PARP6: variants seen among roughly 807,000 people sequenced by gnomAD.
PARP6 encodes poly(ADP-ribose) polymerase family member 6.
PARP6 carries 27 observed loss-of-function variants against 92.0 expected under a neutral mutation model. The observed-to-expected ratio is 0.29, with a 90% CI of 0.22 to 0.40. PARP6 has a LOEUF of 0.40. Among genes scored for constraint, PARP6 ranks in the 10% least tolerant of loss-of-function variants. The pLI is 1.00. For synonymous variants in PARP6, 272 were observed against 281.2 expected, an observed-to-expected ratio of 0.97 and a Z score of 0.33; for missense variants, 501 against 784.5, an observed-to-expected ratio of 0.64 and a Z score of 4.32.
At chr15:72,250,771 A>T in intron 18 of PARP6, 74 bp downstream of exon 18, 1 of 785,250 alleles carries the variant, frequency 1.3e-6, no homozygotes, top group South Asian at 1.6e-5. Flanking sequence ...ACACAAACTC[A>T]TATCTCAAGG....
intron 17 of PARP6, 54 bp from the exon 18 acceptor site, chr15:72,251,008 G>T (rs2084274708): frequency 1.5e-6 from 2 of 1,341,088 alleles, no homozygotes; most frequent in Non-Finnish European, 2.1e-6. Flanking sequence ...ATCGAGATCA[G>T]GGAGGGAAGG....
intron 20 of PARP6, among the ~76,000 whole-genome samples, chr15:72,247,847 A>G (rs552617514): frequency 1.5e-4 from 23 of 151,498 alleles, no homozygotes; most frequent in African/African-American, 5.6e-4. Flanking sequence ...CACTGGTTTG[A>G]TCTTGGCTGA....
At position 72,262,239 on chromosome 15, in the gene PARP6, G is replaced by A. The variant is rs371907316; in HGVS notation, c.396-532C>T. ...CAGTTCTCTCTAGCATTACTCTAAG[G>A]TATTGTTCTAAATCCTTATTACCTT... On this transcript the variant is annotated intron_variant, in intron 8 of 23. Coordinates refer to ENST00000569795, the MANE Select transcript of PARP6 (RefSeq NM_001323532.2). Among the ~76,000 whole-genome samples, 37 of 152,186 alleles carry A rather than the reference G, an allele frequency of 2.4e-4. 1 individual carries two copies. Among genetic ancestry groups the A allele is most frequent in the Admixed American group, 1.0e-3 (16 of 15,292 alleles).
chr15:72,254,258 G>C (rs2084758325), intron 15 of PARP6, among the ~76,000 whole-genome samples, 197 bp downstream of exon 15: 1 of 152,058 alleles, frequency 6.6e-6, no homozygotes, highest in Non-Finnish European at 1.5e-5. Flanking sequence ...GAGACACAAA[G>C]ACTAAAGAGA....
intron 20 of PARP6, among the ~76,000 whole-genome samples, chr15:72,247,929 C>T (rs547117256): frequency 3.3e-5 from 5 of 151,856 alleles, no homozygotes; most frequent in African/African-American, 4.8e-5. Context: ...TGCCACCATG[C>T]CTGGCTAATT....
In PARP6 at chr15:72,266,776, T is replaced by C; in HGVS notation, c.50A>G (p.Asn17Ser). The C allele has an allele frequency of 6.2e-7, 1 of 1,614,032 alleles. No individual in the cohort carries two copies. Among genetic ancestry groups the C allele is most frequent in the Non-Finnish European group, 8.5e-7 (1 of 1,179,896 alleles). Residue 17 changes from asparagine (N) to serine (S), a missense_variant, in exon 4 of 24, where the codon AAT (asparagine) becomes AGT (serine). Physicochemically the swap from Asn to Ser is conservative, Grantham distance 46 (BLOSUM62 1). Transcript: ENST00000569795. ...GCCATAGAGAAATTCCTCTGATTCA[T>C]TATCTCCCTCCGAGTCGTCATCATT... is the stretch of plus-strand genomic sequence containing the variant. Reference protein sequence around the residue: ...FWNDDDSEGDNESEEFLYGVQ... With the variant: ...FWNDDDSEGDSESEEFLYGVQ...
At chr15:72,247,819 G>A (rs969184382) in intron 20 of PARP6, among the ~76,000 whole-genome samples, 1 of 151,574 alleles carries the variant, frequency 6.6e-6, no homozygotes, top group African/African-American at 2.4e-5. Flanking sequence ...GTCTTGCTTT[G>A]TTGTCTAGGC....
intron 20 of PARP6, chr15:72,244,352 G>A (rs1406794721): frequency 1.3e-5 from 2 of 152,176 alleles, no homozygotes; most frequent in African/African-American, 2.4e-5. Flanking sequence ...CTGATCCAAT[G>A]ATTGTCCATT....
chr15:72,257,319 T>C, intron 13 of PARP6, 29 bp downstream of exon 13: 1 of 1,521,622 alleles, frequency 6.6e-7, no homozygotes, highest in Non-Finnish European at 9.1e-7. Context: ...TTGATCCCAA[T>C]TCCCCAGCCA....
chr15:72,251,674 C>T (rs2084374568), intron 16 of PARP6, among the ~76,000 whole-genome samples: 1 of 152,144 alleles, frequency 6.6e-6, no homozygotes, highest in African/African-American at 2.4e-5. Flanking sequence ...CAGACCTGGG[C>T]TCAGAAGCCA....
intron 9 of PARP6, among the ~76,000 whole-genome samples, chr15:72,261,003 G>C (rs2085803308): frequency 6.6e-6 from 1 of 151,800 alleles, no homozygotes; most frequent in Non-Finnish European, 1.5e-5. Flanking sequence ...TTTTCTGAGA[G>C]AGAGAAAAAA....
intron 10 of PARP6, among the ~76,000 whole-genome samples, chr15:72,260,035 T>G (rs950650336): frequency 1.3e-5 from 2 of 152,218 alleles, no homozygotes; most frequent in African/African-American, 4.8e-5. Context: ...TAAAAAATGT[T>G]TTCCAGCTGG....
chr15:72,264,114 G>C (rs776452807), intron 8 of PARP6, among the ~76,000 whole-genome samples: 23 of 151,968 alleles, frequency 1.5e-4, no homozygotes, highest in Non-Finnish European at 1.0e-4. Context: ...ATATTCACCT[G>C]TATTAGAATA....
chr15:72,248,889 T>C (rs2083963211), intron 20 of PARP6, among the ~76,000 whole-genome samples: 1 of 151,962 alleles, frequency 6.6e-6, no homozygotes, highest in Non-Finnish European at 1.5e-5. Context: ...CCTTCAGATG[T>C]TTTCACATGT....
chr15:72,247,954 A>T (rs1380852964), intron 20 of PARP6, among the ~76,000 whole-genome samples: 1 of 151,920 alleles, frequency 6.6e-6, no homozygotes, highest in Non-Finnish European at 1.5e-5. Flanking sequence ...TATTTTTAGT[A>T]GAGACAGGAT....
Position 72,241,468 on chromosome 15 carries a change from A to G in PARP6, c.1880T>C (p.Val627Ala). The G allele has an allele frequency of 6.2e-7, 1 of 1,613,874 alleles. No individual in the cohort carries two copies. Among genetic ancestry groups the G allele is most frequent in the Non-Finnish European group, 8.5e-7 (1 of 1,179,814 alleles). Residue 627 changes from valine (V) to alanine (A), a missense_variant, in exon 24 of 24, where the codon GTT becomes GCT. Val to Ala is a moderately conservative substitution (Grantham distance 64). Coordinates refer to ENST00000569795, the MANE Select transcript of PARP6 (RefSeq NM_001323532.2). The surrounding 1 kb of genome is among the most constrained non-coding windows in gnomAD (Gnocchi z 4.1). ...GCTGGGGCCCCCTCAGTTTGTGTAA[A>G]CCTGAGTTCCGATCACACGCATGAT... ...KEIMRVIGTQ[V>A]YTN
At chr15:72,243,606 C>T (rs370726444) in intron 20 of PARP6, 83 of 152,338 alleles carry the variant, frequency 5.4e-4, no homozygotes, top group African/African-American at 2.0e-3. Context: ...ATAGACTCAA[C>T]TTGGACTTTT....
Position 72,265,806 on chromosome 15 carries a change from C to T in PARP6, c.176+91G>A. On this transcript the variant is annotated intron_variant, in intron 5 of 23. Transcript: ENST00000569795. Reference sequence around the variant, plus strand: ...ATCATTAAGTTCATAATTTATCCCACTATCATACCATAAAAAGAAAAACCT... The same window carrying T: ...ATCATTAAGTTCATAATTTATCCCATTATCATACCATAAAAAGAAAAACCT... 3.5e-6 allele frequency: 3 copies of T among 863,062 alleles called. No individual in the cohort carries two copies. In the East Asian group the frequency reaches 7.6e-5, roughly 22 times the overall value. The allele number at this position is 863,062 out of a possible 1,614,324, so 53.5% of individuals were successfully genotyped here. A position where few individuals can be genotyped will look rare whatever the true frequency, so the allele number is the denominator to read the frequency against.
chr15:72,269,360 C>T (rs1024151968), intron 2 of PARP6, among the ~76,000 whole-genome samples: 1 of 151,952 alleles, frequency 6.6e-6, no homozygotes, highest in African/African-American at 2.4e-5. Flanking sequence ...GGGGTTTCAC[C>T]AGGTTGGCCA....
Sources: gnomAD v4.1 joint callset for allele counts (sites outside exome capture counted in the v4.1 genomes callset) on GRCh38, gnomAD v4.1.1 for gene constraint, Gnocchi (gnomAD v3.1) non-coding constraint, MANE v1.5 for transcripts, NCBI Gene and HGNC (gene_info 2026-07-23, HGNC 2026-07-21) for gene names.